The following GRXCR1 variants were observed in gnomAD, a reference collection of about 807,000 sequenced individuals.
GRXCR1 encodes glutaredoxin and cysteine rich domain containing 1.
Under a neutral mutation model 27.3 loss-of-function variants are expected in GRXCR1, and 27 were observed. The observed-to-expected ratio is 0.99, with a 90% CI of 0.73 to 1.37. GRXCR1 has a LOEUF of 1.37. GRXCR1 is among the 40% of genes most tolerant of loss of function. The pLI, the probability that GRXCR1 is intolerant of heterozygous loss-of-function variation, is 0.00. For missense variants in GRXCR1, 379 were observed against 354.4 expected (o/e 1.07, Z -0.56); for synonymous variants, 122 against 131.1 (o/e 0.93, Z 0.47).
chr4:42,973,647 A>G (rs974010125), intron 2 of GRXCR1, among the ~76,000 whole-genome samples: 3 of 152,120 alleles, frequency 2.0e-5, no homozygotes, highest in African/African-American at 7.2e-5. Context: ...GATTTATTGT[A>G]GTATATGTGG....
intron 1 of GRXCR1, among the ~76,000 whole-genome samples, chr4:42,939,152 T>A (rs1747536602): frequency 6.6e-6 from 1 of 152,074 alleles, no homozygotes; most frequent in South Asian, 2.1e-4. Context: ...TATGTTTTTA[T>A]TTTTGTGTGT....
At chr4:42,992,300 C>A (rs1426279967) in intron 2 of GRXCR1, among the ~76,000 whole-genome samples, 1 of 152,086 alleles carries the variant, frequency 6.6e-6, no homozygotes, top group Non-Finnish European at 1.5e-5. Flanking sequence ...GTATGGTTGA[C>A]AATTCGTAGG....
At chr4:42,916,642 C>T (rs1746892943) in intron 1 of GRXCR1, among the ~76,000 whole-genome samples, 1 of 152,050 alleles carries the variant, frequency 6.6e-6, no homozygotes, top group Non-Finnish European at 1.5e-5. Flanking sequence ...TGAAGGCGCA[C>T]AATTTCCGTT....
chr4:43,021,975 T>C (rs757866210), intron 3 of GRXCR1, among the ~76,000 whole-genome samples: 4 of 152,216 alleles, frequency 2.6e-5, no homozygotes, highest in Non-Finnish European at 5.9e-5. Flanking sequence ...TTGATTTCTT[T>C]ATCTATTAAA....
intron 1 of GRXCR1, among the ~76,000 whole-genome samples, chr4:42,929,717 A>T (rs977747677): frequency 6.6e-6 from 1 of 151,898 alleles, no homozygotes; most frequent in Non-Finnish European, 1.5e-5. Flanking sequence ...GTAGTATTCA[A>T]ATAGAATGAC....
At chr4:42,931,101 T>C (rs2109756426) in intron 1 of GRXCR1, among the ~76,000 whole-genome samples, 1 of 151,996 alleles carries the variant, frequency 6.6e-6, no homozygotes, top group South Asian at 2.1e-4. Context: ...GAAAAGGGTA[T>C]AAATACTCCT....
chr4:42,988,215 G>A (rs1045297443), intron 2 of GRXCR1, among the ~76,000 whole-genome samples: 4 of 152,078 alleles, frequency 2.6e-5, no homozygotes, highest in African/African-American at 7.2e-5. Flanking sequence ...ATTGTGTTTT[G>A]TCCCTGGAGA....
chr4:42,923,069 A>T (rs1747056965), intron 1 of GRXCR1, among the ~76,000 whole-genome samples: 1 of 152,102 alleles, frequency 6.6e-6, no homozygotes, highest in Non-Finnish European at 1.5e-5. Context: ...GCTTTCTCAC[A>T]GATACCTCTC....
intron 1 of GRXCR1, among the ~76,000 whole-genome samples, chr4:42,898,507 A>G (rs1199377762): frequency 6.6e-6 from 1 of 152,022 alleles, no homozygotes; most frequent in Non-Finnish European, 1.5e-5. Flanking sequence ...GGTTCACTGA[A>G]TCAAACTCCG....
At chr4:42,985,773 G>A (rs1050686676) in intron 2 of GRXCR1, among the ~76,000 whole-genome samples, 8 of 151,918 alleles carry the variant, frequency 5.3e-5, no homozygotes, top group Non-Finnish European at 8.8e-5. Context: ...GAAAGAATTG[G>A]GAGAGCCAAT....
chr4:42,986,572 G>A (rs1711731201), intron 2 of GRXCR1, among the ~76,000 whole-genome samples: 1 of 152,090 alleles, frequency 6.6e-6, no homozygotes, highest in African/African-American at 2.4e-5. Flanking sequence ...GAGGGTGGGA[G>A]GAAGTTCAAG....
chr4:43,025,975 C>CAA (rs373672727), intron 3 of GRXCR1, among the ~76,000 whole-genome samples: 1,160 of 89,672 alleles, frequency 0.013, 7 homozygotes, highest in African/African-American at 0.023. Flanking sequence ...AACTCCGTCT[C>CAA]AAAAAAAAAA....
At chr4:42,957,353 G>C (rs766390876) in intron 1 of GRXCR1, among the ~76,000 whole-genome samples, 1 of 152,058 alleles carries the variant, frequency 6.6e-6, no homozygotes, top group Non-Finnish European at 1.5e-5. Context: ...GAATTATATT[G>C]TTTGCTCACC....
intron 1 of GRXCR1, among the ~76,000 whole-genome samples, chr4:42,932,158 A>G (rs542127235): frequency 6.6e-6 from 1 of 152,068 alleles, no homozygotes; most frequent in East Asian, 2.0e-4. Context: ...ATCAGGCTGT[A>G]GAATGTATCT....
chr4:42,971,238 C>T (rs1376095855), intron 2 of GRXCR1, among the ~76,000 whole-genome samples: 1 of 152,120 alleles, frequency 6.6e-6, no homozygotes, highest in Admixed American at 6.6e-5. Context: ...TCCAAACTTT[C>T]CCATATCTTT....
intron 2 of GRXCR1, among the ~76,000 whole-genome samples, chr4:43,006,185 C>A (rs375591492): frequency 6.6e-6 from 1 of 152,060 alleles, no homozygotes; most frequent in African/African-American, 2.4e-5. Context: ...GGATGTATAT[C>A]GCCTCAGGAC....
intron 1 of GRXCR1, among the ~76,000 whole-genome samples, chr4:42,953,036 T>A (rs1031436483): frequency 4.6e-5 from 7 of 152,172 alleles, no homozygotes; most frequent in Admixed American, 2.0e-4. Context: ...ATTCTAGTCT[T>A]ACACATCAGT....
Position 42,893,454 on chromosome 4 carries a change from A to T in GRXCR1, c.188A>T (p.Asn63Ile), listed in dbSNP as rs775457576. The change falls in exon 1 of 4, where the codon AAT becomes ATT. Residue 63 changes from asparagine to isoleucine, a missense_variant. Physicochemically the swap from Asn to Ile is moderately radical, Grantham distance 149. Coordinates refer to ENST00000399770, the MANE Select transcript of GRXCR1 (RefSeq NM_001080476.3). ...CTAGGTGATTCCGATGGACAGCAGA[A>T]TGGCCACATAGAGTCAGAAGGTGAT... ...DGLGDSDGQQNGHIESEGDEN... is the reference protein window; with the variant it reads ...DGLGDSDGQQIGHIESEGDEN... 1 of 1,613,870 alleles carries T rather than the reference A, an allele frequency of 6.2e-7. No individual in the cohort carries two copies. The highest frequency in any genetic ancestry group is 8.5e-7 in the Non-Finnish European group (1 of 1,179,824).
intron 1 of GRXCR1, among the ~76,000 whole-genome samples, chr4:42,902,268 T>A (rs1746478191): frequency 6.6e-6 from 1 of 152,168 alleles, no homozygotes; most frequent in Non-Finnish European, 1.5e-5. Flanking sequence ...ATCAATAAAG[T>A]TAAACTAGTG....
Sources: gnomAD v4.1 joint callset for allele counts (sites outside exome capture counted in the v4.1 genomes callset) on GRCh38, gnomAD v4.1.1 for gene constraint, MANE v1.5 for transcripts, NCBI Gene and HGNC (gene_info 2026-07-23, HGNC 2026-07-21) for gene names.